The following IWS1 variants were observed in gnomAD, a reference collection of about 807,000 sequenced individuals.
The protein encoded by IWS1 is protein IWS1 homolog.
IWS1 carries 27 observed loss-of-function variants against 86.7 expected under a neutral mutation model. The observed-to-expected ratio is 0.31, with a 90% confidence interval of 0.23 to 0.43. The LOEUF is 0.43. IWS1 is among the 20% of genes least tolerant of loss of function. The pLI, the probability that IWS1 is intolerant of heterozygous loss-of-function variation, is 1.00. For missense variants in IWS1, 827 were observed against 1,000.8 expected (o/e 0.83, Z 2.34); for synonymous variants, 313 against 335.1 (o/e 0.93, Z 0.72).
intron 3 of IWS1, 66 bp downstream of exon 3, chr2:127,504,618 G>T: frequency 8.9e-7 from 1 of 1,125,554 alleles, no homozygotes; most frequent in Non-Finnish European, 1.3e-6. Context: ...AGGATACAAT[G>T]TTCCACAGTT....
chr2:127,515,217 G>A (rs746486407), intron 2 of IWS1, among the ~76,000 whole-genome samples: 2 of 152,192 alleles, frequency 1.3e-5, no homozygotes, highest in African/African-American at 4.8e-5. Flanking sequence ...GGGTTAGTGG[G>A]AAATTCGAGG....
At chr2:127,520,427 A>G (rs1158304874) in intron 2 of IWS1, among the ~76,000 whole-genome samples, 1 of 152,184 alleles carries the variant, frequency 6.6e-6, no homozygotes, top group Admixed American at 6.5e-5. Context: ...TCGGCCTCCC[A>G]AAGTGCTGGG....
intron 5 of IWS1, 93 bp from the exon 6 acceptor site, chr2:127,498,330 G>T: frequency 5.7e-6 from 7 of 1,227,814 alleles, no homozygotes; most frequent in Middle Eastern, 2.0e-4. Flanking sequence ...CATTCACAAA[G>T]AACAAAAATT....
intron 13 of IWS1, among the ~76,000 whole-genome samples, chr2:127,484,867 G>A (rs1372589107): frequency 6.6e-6 from 1 of 152,108 alleles, no homozygotes; most frequent in African/African-American, 2.4e-5. Context: ...CATGGTGGCA[G>A]GAGCCTGTAG....
In IWS1 at chr2:127,483,583, T is replaced by TGGGG. The variant is rs1407597392; in HGVS notation, c.2329-2409_2329-2408insCCCC. Reference sequence around the variant, plus strand: ...ATTATAATTTGGTCGGGGCGGGGGGTGGTGGGGTGGGGGGGTTGGGCTGTG... The same window carrying TGGGG: ...ATTATAATTTGGTCGGGGCGGGGGGTGGGGGGTGGGGTGGGGGGGTTGGGCTGTG... On this transcript the variant is annotated intron_variant, in intron 13 of 13. Coordinates refer to ENST00000295321, the MANE Select transcript of IWS1 (RefSeq NM_017969.3). Among the ~76,000 whole-genome samples the TGGGG allele has an allele frequency of 9.2e-4, 19 of 20,616 alleles. 1 individual carries two copies. The highest frequency in any genetic ancestry group is 2.8e-3 in the African/African-American group (15 of 5,352). The allele number at this position is 20,616 out of a possible 152,430, so 13.5% of individuals were successfully genotyped here. A position where few individuals can be genotyped will look rare whatever the true frequency, so the allele number is the denominator to read the frequency against.
At chr2:127,525,432 A>G (rs1029960788) in intron 1 of IWS1, among the ~76,000 whole-genome samples, 1 of 152,188 alleles carries the variant, frequency 6.6e-6, no homozygotes, top group Non-Finnish European at 1.5e-5. Flanking sequence ...GGGTACATAG[A>G]GGGTGTATTT....
chr2:127,495,073 A>T, intron 7 of IWS1, 119 bp from the exon 8 acceptor site: 1 of 623,796 alleles, frequency 1.6e-6, no homozygotes, highest in Non-Finnish European at 2.7e-6. Context: ...TTCCTACAAG[A>T]AAGAATAATT....
chr2:127,487,468 A>C (rs1410513194), intron 12 of IWS1, among the ~76,000 whole-genome samples: 1 of 152,230 alleles, frequency 6.6e-6, no homozygotes, highest in Non-Finnish European at 1.5e-5. Context: ...GGTAACTAGT[A>C]AAGAGTGGAT....
chr2:127,504,092 G>A (rs1176608188), intron 3 of IWS1, among the ~76,000 whole-genome samples: 1 of 152,162 alleles, frequency 6.6e-6, no homozygotes, highest in African/African-American at 2.4e-5. Context: ...AGGTTATAAT[G>A]AAATATGTCT....
rs1469391150 is a variant in IWS1 at position 127,489,841 on chromosome 2, C to T, written c.2150G>A (p.Arg717Lys). Reference sequence around the variant, plus strand: ...ACCTGTTCCCTCATACCTGTTCATTCTTCGTCGTTGAGGCATCTGTTCTAG... The same window carrying T: ...ACCTGTTCCCTCATACCTGTTCATTTTTCGTCGTTGAGGCATCTGTTCTAG... ...RDLEQMPQRR[R>K]MNSTGGQTPR... Residue 717 changes from arginine to lysine, a missense_variant, in exon 11 of 14, where the codon AGA becomes AAA. By Grantham distance (26) the Arg-to-Lys change is conservative. Coordinates refer to ENST00000295321, the MANE Select transcript of IWS1 (RefSeq NM_017969.3). This position sits in a 1 kb window ranked among gnomAD's most constrained non-coding sequence, Gnocchi z 4.8. The T allele has an allele frequency of 5.0e-6, 8 of 1,588,100 alleles. No homozygotes were observed. The highest frequency in any genetic ancestry group is 1.7e-4 in the Middle Eastern group (1 of 6,014).
At chr2:127,504,335 C>A (rs1380735508) in intron 3 of IWS1, among the ~76,000 whole-genome samples, 1 of 151,854 alleles carries the variant, frequency 6.6e-6, no homozygotes, top group African/African-American at 2.4e-5. Context: ...TCAAAGAGAC[C>A]CACAGCTAAC....
chr2:127,518,181 T>C (rs1316920129), intron 2 of IWS1, among the ~76,000 whole-genome samples: 2 of 152,206 alleles, frequency 1.3e-5, no homozygotes, highest in Non-Finnish European at 1.5e-5. Context: ...TAAAGATCAC[T>C]GAATTGCACA....
At chr2:127,496,918 C>A (rs544664781) in intron 6 of IWS1, among the ~76,000 whole-genome samples, 1 of 152,296 alleles carries the variant, frequency 6.6e-6, no homozygotes, top group Non-Finnish European at 1.5e-5. Flanking sequence ...TTTAGATACA[C>A]AAATACCATT....
chr2:127,522,419 TA>T (rs202038281), intron 2 of IWS1, among the ~76,000 whole-genome samples: 4 of 151,564 alleles, frequency 2.6e-5, no homozygotes, highest in African/African-American at 4.8e-5. Context: ...ACTACACAAT[TA>T]AAAAAAAATG....
rs1186011973 is a variant in IWS1 at position 127,505,899 on chromosome 2, A to G, written c.151-147T>C. 3 of 544,452 alleles carry G rather than the reference A, an allele frequency of 5.5e-6. No individual in the cohort carries two copies. The highest frequency in any genetic ancestry group is 1.9e-5 in the African/African-American group (1 of 52,110). 33.7% of individuals were successfully genotyped at this position (544,452 alleles called of 1,614,324 possible). A position where few individuals can be genotyped will look rare whatever the true frequency, so the allele number is the denominator to read the frequency against. ...ATTCTTGTCCTATACCCATATAGAA[A>G]CACCCCCACAGAAAGCCAATCAGTG... On this transcript the variant is annotated intron_variant, in intron 2 of 13. Transcript: ENST00000295321. This position sits in a 1 kb window ranked among gnomAD's most constrained non-coding sequence, Gnocchi z 5.0.
At chr2:127,483,579 G>GC (rs1689756135) in intron 13 of IWS1, among the ~76,000 whole-genome samples, 1 of 52,868 alleles carries the variant, frequency 1.9e-5, no homozygotes, top group Non-Finnish European at 3.8e-5. Context: ...GTCGGGGCGG[G>GC]GGGTGGTGGG....
chr2:127,516,030 G>A (rs971373906), intron 2 of IWS1, among the ~76,000 whole-genome samples: 1 of 152,196 alleles, frequency 6.6e-6, no homozygotes, highest in African/African-American at 2.4e-5. Context: ...TGAGAATACT[G>A]GGGCCCTAAT....
intron 8 of IWS1, among the ~76,000 whole-genome samples, chr2:127,494,274 A>G (rs910756968): frequency 6.6e-6 from 1 of 150,806 alleles, no homozygotes; most frequent in Non-Finnish European, 1.5e-5. Flanking sequence ...AAAGCAAATC[A>G]ATGAAAAAAG....
rs1436980001 is a variant in IWS1, at chr2:127,493,359, T to C, written c.1851A>G (p.Lys617=). The part of the protein sequence containing the change: ...FIDSGVMSAI[K]EWLSPLPDRS... Reference sequence around the variant, plus strand: ...TATCTGGTAGAGGTGAGAGCCATTCTTTGATGGCAGACATCACACCACTGT... The same window carrying C: ...TATCTGGTAGAGGTGAGAGCCATTCCTTGATGGCAGACATCACACCACTGT... The change falls in exon 9 of 14, where the codon AAA becomes AAG. Residue 617 remains lysine, a synonymous_variant. Transcript: ENST00000295321. The C allele has an allele frequency of 6.2e-7, 1 of 1,613,330 alleles. No homozygotes were observed. The highest frequency in any genetic ancestry group is 2.2e-5 in the East Asian group (1 of 44,850).
Sources: gnomAD v4.1 joint callset for allele counts (sites outside exome capture counted in the v4.1 genomes callset) on GRCh38, gnomAD v4.1.1 for gene constraint, Gnocchi (gnomAD v3.1) non-coding constraint, MANE v1.5 for transcripts, NCBI Gene and HGNC (gene_info 2026-07-23, HGNC 2026-07-21) for gene names.